Variants in GCNT1 observed in about 807,000 individuals in gnomAD.
GCNT1 encodes beta-1,3-galactosyl-O-glycosyl-glycoprotein beta-1,6-N-acetylglucosaminyltransferase.
A neutral mutation model predicts 26.2 loss-of-function variants in GCNT1; 16 were observed. That is an observed-to-expected ratio of 0.61 (90% CI 0.41 to 0.93). The LOEUF is 0.93. GCNT1 is among the 40% of genes least tolerant of loss of function. The probability of loss-of-function intolerance (pLI) is 0.00; values close to 1 mark genes in which losing one functional copy is unlikely to be tolerated. For synonymous variants in GCNT1, 183 were observed against 190.8 expected, an observed-to-expected ratio of 0.96 and a Z score of 0.34; for missense variants, 477 against 526.7, an observed-to-expected ratio of 0.91 and a Z score of 0.92.
chr9:76,463,680 C>T lies in GCNT1; in HGVS notation c.-290+3503C>T, dbSNP rs140718327. 4.3e-4 allele frequency among the ~76,000 whole-genome samples: 65 copies of T among 152,202 alleles called. No homozygotes were observed. The East Asian group carries it at 0.011, about 25-fold the overall frequency. Reference sequence around the variant, plus strand: ...ATTTACTGAGCATCTGTTAGATGCCCGGCATTGCTCGCTCCAGGGCCACAG... The same window carrying T: ...ATTTACTGAGCATCTGTTAGATGCCTGGCATTGCTCGCTCCAGGGCCACAG... On this transcript the variant is annotated intron_variant, in intron 2 of 3. Coordinates refer to ENST00000376730, the MANE Select transcript of GCNT1 (RefSeq NM_001490.5).
rs1825148218 is a variant in GCNT1 at position 76,503,490 on chromosome 9, C to T, written c.1109C>T (p.Pro370Leu). The part of the protein sequence containing the change: ...EGDVSKGAPY[P>L]PCDGVHVRSV... Reference sequence around the variant, plus strand: ...GATGTTTCCAAGGGTGCTCCCTACCCGCCCTGCGATGGAGTCCATGTGCGC... The same window carrying T: ...GATGTTTCCAAGGGTGCTCCCTACCTGCCCTGCGATGGAGTCCATGTGCGC... Residue 370 changes from proline (P) to leucine (L), a missense_variant, in exon 4 of 4, where the codon CCG (proline) becomes CTG (leucine). Transcript: ENST00000376730. 6.8e-6 allele frequency: 11 copies of T among 1,614,130 alleles called. No individual in the cohort carries two copies. The highest frequency in any genetic ancestry group is 4.5e-5 in the East Asian group (2 of 44,876).
upstream of GCNT1, among the ~76,000 whole-genome samples, chr9:76,438,452 A>G (rs535169355): frequency 4.3e-4 from 65 of 152,276 alleles, no homozygotes; most frequent in Admixed American, 3.9e-3. Flanking sequence ...TAGAGAGTAG[A>G]CTGTAAACTT....
intron 2 of GCNT1, among the ~76,000 whole-genome samples, chr9:76,484,045 T>C: frequency 6.6e-6 from 1 of 152,228 alleles, no homozygotes; most frequent in East Asian, 1.9e-4. Context: ...CAAAGAGCTT[T>C]TGTTTATGTG....
chr9:76,430,222 G>GT (rs1247523660), intron 1 of GCNT1, among the ~76,000 whole-genome samples: 1 of 152,146 alleles, frequency 6.6e-6, no homozygotes, highest in Non-Finnish European at 1.5e-5. Flanking sequence ...GTGGGTGAAA[G>GT]TTCTATTTCC....
the GCNT1 span, chr9:76,394,076 C>CGCCCTGCTCTCACCTGTGGGGAT: frequency 6.3e-7 from 1 of 1,587,424 alleles, no homozygotes; most frequent in Non-Finnish European, 8.6e-7. Flanking sequence ...GGACTCTGGC[C>CGCCCTGCTCTCACCTGTGGGGAT]GCCCTGCTCT....
chr9:76,411,697 CTTTTTT>C, the GCNT1 span, among the ~76,000 whole-genome samples: 6 of 83,654 alleles, frequency 7.2e-5, no homozygotes, highest in South Asian at 4.4e-4. Context: ...ATCAATTATA[CTTTTTT>C]TTTTTTTTTT....
intron 1 of GCNT1, among the ~76,000 whole-genome samples, chr9:76,423,684 C>T (rs112348324): frequency 2.0e-5 from 3 of 152,290 alleles, no homozygotes; most frequent in African/African-American, 7.2e-5. Context: ...GATGATGTTA[C>T]GCTTTTTTTC....
intron 2 of GCNT1, among the ~76,000 whole-genome samples, chr9:76,475,465 C>T (rs757555006): frequency 2.0e-5 from 3 of 152,210 alleles, no homozygotes; most frequent in Non-Finnish European, 4.4e-5. Flanking sequence ...ACAAAGCATC[C>T]AAGATGCTGC....
At chr9:76,398,278 A>T in the GCNT1 span, among the ~76,000 whole-genome samples, 1 of 152,252 alleles carries the variant, frequency 6.6e-6, no homozygotes, top group Non-Finnish European at 1.5e-5. Context: ...CAACTCAATT[A>T]AAAAATGAGC....
chr9:76,504,905 T>C lies in GCNT1; in HGVS notation c.*1237T>C, dbSNP rs1449713627. The stretch of plus-strand genomic sequence containing the variant: ...AGGCCTGGGGAGGGAACTTTGGGTT[T>C]GGGACAGATTTTTTTTTTTGTTTTT... On this transcript the variant is annotated 3_prime_UTR_variant, in exon 4 of 4. Coordinates refer to ENST00000376730, the MANE Select transcript of GCNT1 (RefSeq NM_001490.5). 1 of 412,590 alleles carries C rather than the reference T, an allele frequency of 2.4e-6. No individual in the cohort carries two copies. Among genetic ancestry groups the C allele is most frequent in the East Asian group, 3.6e-5 (1 of 28,084 alleles). 25.6% of individuals were successfully genotyped at this position (412,590 alleles called of 1,614,324 possible).
the GCNT1 span, among the ~76,000 whole-genome samples, chr9:76,406,514 AG>A: frequency 1.3e-5 from 2 of 148,374 alleles, no homozygotes; most frequent in Non-Finnish European, 3.0e-5. Context: ...AAAAAAAAAA[AG>A]AAAGAAAGAA....
chr9:76,409,931 A>C, the GCNT1 span, among the ~76,000 whole-genome samples: 1 of 152,078 alleles, frequency 6.6e-6, no homozygotes, highest in Non-Finnish European at 1.5e-5. Context: ...TTTTCACTGC[A>C]TCCACAAATT....
the GCNT1 span, among the ~76,000 whole-genome samples, chr9:76,409,341 T>A: frequency 2.0e-5 from 3 of 152,318 alleles, no homozygotes; most frequent in East Asian, 5.8e-4. Flanking sequence ...TCTCTTTTTT[T>A]CTTGGTTAGC....
chr9:76,394,404 C>G, the GCNT1 span: 1 of 456,584 alleles, frequency 2.2e-6, no homozygotes, highest in Non-Finnish European at 3.9e-6. Context: ...CGCTGGAGGG[C>G]AGCGGAGACA....
chr9:76,461,994 G>A (rs1027960218), intron 2 of GCNT1, among the ~76,000 whole-genome samples: 5 of 152,196 alleles, frequency 3.3e-5, no homozygotes, highest in African/African-American at 4.8e-5. Context: ...TATATTCTCC[G>A]ATGAATGGAA....
the GCNT1 span, chr9:76,394,367 C>T: frequency 7.9e-6 from 4 of 504,792 alleles, no homozygotes; most frequent in Non-Finnish European, 1.0e-5. Context: ...CAACAAATAC[C>T]GCCGGGCGCC....
At chr9:76,406,278 C>T in the GCNT1 span, among the ~76,000 whole-genome samples, 13 of 152,122 alleles carry the variant, frequency 8.5e-5, no homozygotes, top group South Asian at 1.5e-3. Context: ...GAGGATTGCT[C>T]GAGCCCAGGA....
upstream of GCNT1, among the ~76,000 whole-genome samples, chr9:76,418,887 G>A (rs1823154523): frequency 6.6e-6 from 1 of 152,198 alleles, no homozygotes; most frequent in South Asian, 2.1e-4. Context: ...GATAGGTAAT[G>A]AGATTTCGGA....
At chr9:76,449,194 G>C (rs74398829) in intron 1 of GCNT1, among the ~76,000 whole-genome samples, 1 of 151,724 alleles carries the variant, frequency 6.6e-6, no homozygotes, top group Non-Finnish European at 1.5e-5. Flanking sequence ...TTAGCGGGGC[G>C]GGGTAGTGTG....
Sources: allele counts gnomAD v4.1 joint callset (sites outside exome capture counted in the v4.1 genomes callset), GRCh38; gene constraint gnomAD v4.1.1; transcripts MANE v1.5; gene names NCBI Gene and HGNC (gene_info 2026-07-23, HGNC 2026-07-21).